Variants in B9D1 observed in about 807,000 individuals in gnomAD.
B9D1 encodes B9 domain containing 1, also known as B9 domain-containing protein 1.
In B9D1, 20 loss-of-function variants were observed where a neutral mutation model predicts 26.1. The observed-to-expected ratio is 0.77, with a 90% CI of 0.54 to 1.12. B9D1 has a LOEUF of 1.12. B9D1 is among the 50% of genes most tolerant of loss of function. B9D1 has a pLI of 0.00. For synonymous variants in B9D1, 105 were observed against 103.1 expected (o/e 1.02, Z -0.11); for missense variants, 260 against 273.7 (o/e 0.95, Z 0.35).
chr17:19,338,481 C>T (rs531199689), downstream of B9D1, among the ~76,000 whole-genome samples: 1 of 152,342 alleles, frequency 6.6e-6, no homozygotes, highest in East Asian at 1.9e-4. Context: ...TAATCAGTTC[C>T]ATGTACAAAT....
At chr17:19,343,562 G>A in intron 6 of B9D1, 101 bp from the exon 7 acceptor site, 1 of 1,586,604 alleles carries the variant, frequency 6.3e-7, no homozygotes, top group Non-Finnish European at 8.6e-7. Context: ...TGTAAAATGG[G>A]GACAACAGTG....
At chr17:19,376,108 CAA>C (rs1170139062) in intron 1 of B9D1, among the ~76,000 whole-genome samples, 3 of 152,266 alleles carry the variant, frequency 2.0e-5, no homozygotes, top group Admixed American at 1.3e-4. Flanking sequence ...AAGCCAAACA[CAA>C]AAGACTACAC....
At chr17:19,357,471 G>A (rs1910498847) in intron 3 of B9D1, 1 of 355,688 alleles carries the variant, frequency 2.8e-6, no homozygotes, top group Non-Finnish European at 5.5e-6. Flanking sequence ...AAAGTGCCAG[G>A]GTCTAGCCGG....
chr17:19,356,263 C>T (rs888062141), intron 3 of B9D1, among the ~76,000 whole-genome samples: 16 of 151,976 alleles, frequency 1.1e-4, no homozygotes, highest in Admixed American at 5.9e-4. Context: ...AGCTAATTTT[C>T]GTATTTTTAG....
chr17:19,377,780 G>A, intron 1 of B9D1: 1 of 962,584 alleles, frequency 1.0e-6, no homozygotes, highest in Non-Finnish European at 1.2e-6. Context: ...AGCAGAGGTT[G>A]GGCGGCCGCC....
At chr17:19,367,102 G>A (rs115246225), upstream of B9D1, among the ~76,000 whole-genome samples, 1,576 of 152,268 alleles carry the variant, frequency 0.01, 23 homozygotes, top group African/African-American at 0.036. Flanking sequence ...CAGAAGGGGT[G>A]TGTAGGACAA....
intron 3 of B9D1, among the ~76,000 whole-genome samples, chr17:19,348,850 G>C (rs769025116): frequency 3.3e-5 from 5 of 152,166 alleles, no homozygotes; most frequent in Admixed American, 2.6e-4. Flanking sequence ...CCTGTAAAGG[G>C]GCGTGTTCAT....
At chr17:19,363,437 A>C (rs1462119677), upstream of B9D1, among the ~76,000 whole-genome samples, 1 of 152,206 alleles carries the variant, frequency 6.6e-6, no homozygotes, top group African/African-American at 2.4e-5. Flanking sequence ...GTAACTACTA[A>C]CTTGTTGATA....
At chr17:19,340,046 C>A (rs977480600), downstream of B9D1, among the ~76,000 whole-genome samples, 6 of 100,294 alleles carry the variant, frequency 6.0e-5, no homozygotes, top group Admixed American at 1.9e-4. Context: ...CCCCCCCCCC[C>A]CCGGCTTCCC....
At chr17:19,356,219 G>T (rs2152272214) in intron 3 of B9D1, among the ~76,000 whole-genome samples, 1 of 152,032 alleles carries the variant, frequency 6.6e-6, no homozygotes, top group Non-Finnish European at 1.5e-5. Flanking sequence ...AGCCCCCCAA[G>T]TAGCTAAGAT....
rs538324421 is a variant in B9D1 at position 19,349,941 on chromosome 17, A to T, written c.245-2061T>A. 3.9e-5 allele frequency among the ~76,000 whole-genome samples: 6 copies of T among 152,274 alleles called. No homozygotes were observed. The South Asian group carries it at 1.2e-3, about 32-fold the overall frequency. ...GCTGAAGTTTTTTCCTATGTATATCAAATTGTCCCAGCACCATTTATTAAA... is the reference window on the plus strand; with the variant it reads ...GCTGAAGTTTTTTCCTATGTATATCTAATTGTCCCAGCACCATTTATTAAA... On this transcript the variant is annotated intron_variant, in intron 3 of 6. Transcript: ENST00000261499.
At position 19,343,502 on chromosome 17, in the gene B9D1, CAGAG is replaced by C. The variant is rs1240015838; in HGVS notation, c.473-45_473-42del. ...CAGCATCAGCCAGGCTGGGCTGGGG[CAGAG>C]AGAGACCCAGGTTGATCTGGGAATC... On this transcript the variant is annotated intron_variant, in intron 6 of 6. Coordinates refer to ENST00000261499, the MANE Select transcript of B9D1 (RefSeq NM_015681.6). The C allele has an allele frequency of 1.9e-6, 3 of 1,613,492 alleles. 1 individual carries two copies.
At chr17:19,367,805 T>G (rs1911678608) in intron 1 of B9D1, among the ~76,000 whole-genome samples, 2 of 152,210 alleles carry the variant, frequency 1.3e-5, no homozygotes, top group Admixed American at 6.5e-5. Flanking sequence ...GTCTAGGGGC[T>G]CTCCCTGGGC....
intron 3 of B9D1, among the ~76,000 whole-genome samples, chr17:19,355,056 G>GA (rs1910147938): frequency 6.6e-6 from 1 of 151,972 alleles, no homozygotes; most frequent in Admixed American, 6.6e-5. Flanking sequence ...ATTCCATATG[G>GA]CAGACTTTCA....
chr17:19,342,251 T>G (rs1250244145), downstream of B9D1, among the ~76,000 whole-genome samples: 1 of 152,168 alleles, frequency 6.6e-6, no homozygotes, highest in Non-Finnish European at 1.5e-5. Flanking sequence ...ACAGGAATTT[T>G]GCTGACAACA....
chr17:19,363,766 T>C (rs1358085296), upstream of B9D1: 1 of 152,286 alleles, frequency 6.6e-6, no homozygotes, highest in Non-Finnish European at 1.5e-5. Context: ...GGGAGTCCCA[T>C]CAACCATCTG....
chr17:19,377,491 AATATGCATAC>A (rs577810302), intron 1 of B9D1, among the ~76,000 whole-genome samples: 48 of 152,370 alleles, frequency 3.2e-4, no homozygotes, highest in Middle Eastern at 3.4e-3. Context: ...GGTAGGTACG[AATATGCATAC>A]ATATTGCTTT....
chr17:19,338,152 A>C (rs928347809), downstream of B9D1, among the ~76,000 whole-genome samples: 1 of 152,236 alleles, frequency 6.6e-6, no homozygotes, highest in Non-Finnish European at 1.5e-5. Context: ...GTCAGTACCC[A>C]CAGTCCAGCT....
At chr17:19,377,244 G>T (rs2063602658) in intron 1 of B9D1, among the ~76,000 whole-genome samples, 1 of 152,074 alleles carries the variant, frequency 6.6e-6, no homozygotes, top group Non-Finnish European at 1.5e-5. Context: ...GTTCACATAG[G>T]TTTCTTTTAG....
Sources: allele counts gnomAD v4.1 joint callset (sites outside exome capture counted in the v4.1 genomes callset), GRCh38; gene constraint gnomAD v4.1.1; transcripts MANE v1.5; gene names NCBI Gene and HGNC (gene_info 2026-07-23, HGNC 2026-07-21).